Variants in SESN2 observed in about 807,000 individuals in gnomAD.
The protein encoded by SESN2 is sestrin-2.
A neutral mutation model predicts 56.0 loss-of-function variants in SESN2; 42 were observed. That is an observed-to-expected ratio of 0.75 (90% confidence interval 0.59 to 0.97). SESN2 has a LOEUF of 0.97. Ranked by LOEUF, SESN2 falls within the 50% of genes least tolerant of loss-of-function variation. SESN2 has a pLI of 0.00. For synonymous variants in SESN2, 264 were observed against 267.1 expected, an observed-to-expected ratio of 0.99 and a Z score of 0.11; for missense variants, 507 against 649.4, an observed-to-expected ratio of 0.78 and a Z score of 2.38.
At chr1:28,274,342 G>A (rs142623326) in intron 7 of SESN2, among the ~76,000 whole-genome samples, 184 bp downstream of exon 7, 1 of 152,230 alleles carries the variant, frequency 6.6e-6, no homozygotes, top group East Asian at 1.9e-4. Context: ...GACTAGCCTG[G>A]GCAACATGGC....
chr1:28,278,516 G>A (rs976774745), intron 8 of SESN2, among the ~76,000 whole-genome samples: 1 of 152,190 alleles, frequency 6.6e-6, no homozygotes, highest in South Asian at 2.1e-4. Context: ...GCGGTGAGCC[G>A]AGATCACGCC....
Position 28,266,556 on chromosome 1 carries a change from C to CTTT in SESN2, c.91-2608_91-2606dup, listed in dbSNP as rs71586835. On this transcript the variant is annotated intron_variant, in intron 1 of 9. Coordinates refer to ENST00000253063, the MANE Select transcript of SESN2 (RefSeq NM_031459.5). ...ATGCAATTTGTGTCAAGAGCCCCATCTTTTTTTTTTTTTTTTTTTTTGAGA... is the reference window on the plus strand; with the variant it reads ...ATGCAATTTGTGTCAAGAGCCCCATCTTTTTTTTTTTTTTTTTTTTTTTTGAGA... Among the ~76,000 whole-genome samples the CTTT allele has an allele frequency of 7.2e-3, 846 of 116,960 alleles. 17 individuals are homozygous for CTTT. The highest frequency in any genetic ancestry group is 0.01 in the Middle Eastern group (2 of 194). 76.7% of individuals were successfully genotyped at this position (116,960 alleles called of 152,430 possible).
At chr1:28,260,305 C>G (rs1439149879) in intron 1 of SESN2, among the ~76,000 whole-genome samples, 1 of 152,112 alleles carries the variant, frequency 6.6e-6, no homozygotes, top group Non-Finnish European at 1.5e-5. Context: ...CAGGCAAATC[C>G]CGGCCGGAGC....
chr1:28,280,080 C>T (rs1472653958), intron 9 of SESN2, among the ~76,000 whole-genome samples: 1 of 152,050 alleles, frequency 6.6e-6, no homozygotes, highest in Non-Finnish European at 1.5e-5. Context: ...TCAAATGATC[C>T]TCCTGCCTCA....
intron 3 of SESN2, 58 bp downstream of exon 3, chr1:28,271,929 T>G (rs1023207548): frequency 3.3e-6 from 5 of 1,519,236 alleles, no homozygotes; most frequent in Middle Eastern, 1.7e-4. Context: ...TTCTGTCCTT[T>G]GATCTCTTTT....
intron 1 of SESN2, among the ~76,000 whole-genome samples, chr1:28,268,481 C>T (rs1647634165): frequency 6.6e-6 from 1 of 152,018 alleles, no homozygotes; most frequent in African/African-American, 2.4e-5. Context: ...GCCTGGCCAA[C>T]ATGGAGAAAC....
chr1:28,267,707 C>A (rs1647605786), intron 1 of SESN2, among the ~76,000 whole-genome samples: 2 of 152,186 alleles, frequency 1.3e-5, no homozygotes, highest in African/African-American at 4.8e-5. Flanking sequence ...ATCTCTAGGA[C>A]TAGGAGAAGC....
At chr1:28,273,233 T>C (rs1181071131) in intron 5 of SESN2, 125 bp from the exon 6 acceptor site, 1 of 876,388 alleles carries the variant, frequency 1.1e-6, no homozygotes, top group East Asian at 2.7e-5. Flanking sequence ...GCACAGTGGC[T>C]GGCACAGAGG....
At chr1:28,273,226 C>A in intron 5 of SESN2, 132 bp from the exon 6 acceptor site, 1 of 805,192 alleles carries the variant, frequency 1.2e-6, no homozygotes, top group Non-Finnish European at 1.9e-6. Flanking sequence ...CTGTCCAGCA[C>A]AGTGGCTGGC....
chr1:28,266,139 T>C (rs1301774504), intron 1 of SESN2, among the ~76,000 whole-genome samples: 1 of 152,204 alleles, frequency 6.6e-6, no homozygotes, highest in Non-Finnish European at 1.5e-5. Flanking sequence ...GCACTTAGCA[T>C]AGTGCCTTAT....
intron 1 of SESN2, among the ~76,000 whole-genome samples, chr1:28,266,821 G>A (rs943379341): frequency 1.2e-4 from 18 of 152,112 alleles, no homozygotes; most frequent in Admixed American, 4.6e-4. Flanking sequence ...GTGTCCCAAC[G>A]TGCTGGGATG....
chr1:28,272,200 C>T (rs1647802264), intron 3 of SESN2, 84 bp from the exon 4 acceptor site: 2 of 1,419,932 alleles, frequency 1.4e-6, no homozygotes, highest in South Asian at 1.2e-5. Context: ...GTGAGCCCTA[C>T]AACCTCTCCC....
intron 7 of SESN2, 111 bp downstream of exon 7, chr1:28,274,269 C>T (rs904954360): frequency 1.1e-5 from 8 of 741,108 alleles, no homozygotes; most frequent in Non-Finnish European, 1.9e-5. Context: ...TGGTAGCTCA[C>T]ACCTGTAATC....
At chr1:28,273,906 C>A in intron 6 of SESN2, 134 bp from the exon 7 acceptor site, 1 of 677,602 alleles carries the variant, frequency 1.5e-6, no homozygotes, top group Admixed American at 2.3e-5. Flanking sequence ...TGAAATCTTG[C>A]CCCACTCACT....
At chr1:28,264,196 A>G (rs940961470) in intron 1 of SESN2, among the ~76,000 whole-genome samples, 3 of 151,942 alleles carry the variant, frequency 2.0e-5, no homozygotes, top group East Asian at 1.9e-4. Context: ...GCGCATGCCT[A>G]TACTCCCAGC....
chr1:28,273,928 CT>C (rs1195346653), intron 6 of SESN2, 111 bp from the exon 7 acceptor site: 27 of 744,254 alleles, frequency 3.6e-5, no homozygotes, highest in Middle Eastern at 2.8e-4. Context: ...TAGCAAGGGG[CT>C]TTTTTTGGCC....
intron 1 of SESN2, among the ~76,000 whole-genome samples, chr1:28,266,941 T>C (rs886140638): frequency 1.3e-5 from 2 of 152,184 alleles, no homozygotes; most frequent in African/African-American, 4.8e-5. Context: ...TTAGAGCTCC[T>C]TCTTTTGACA....
At chr1:28,260,836 T>G (rs994322236) in intron 1 of SESN2, among the ~76,000 whole-genome samples, 1 of 152,042 alleles carries the variant, frequency 6.6e-6, no homozygotes, top group African/African-American at 2.4e-5. Context: ...AATGGACATC[T>G]TATCATTTAT....
intron 8 of SESN2, among the ~76,000 whole-genome samples, chr1:28,275,225 A>G (rs1189512190): frequency 2.0e-5 from 3 of 152,044 alleles, no homozygotes; most frequent in Non-Finnish European, 2.9e-5. Flanking sequence ...AGAGATAATT[A>G]TTGTTTGATA....
Sources: allele counts gnomAD v4.1 joint callset (sites outside exome capture counted in the v4.1 genomes callset), GRCh38; gene constraint gnomAD v4.1.1; transcripts MANE v1.5; gene names NCBI Gene and HGNC (gene_info 2026-07-23, HGNC 2026-07-21).